SENP5: variants seen among roughly 807,000 people sequenced by gnomAD.
SENP5 encodes sentrin-specific protease 5.
SENP5 carries 21 observed loss-of-function variants against 74.2 expected under a neutral mutation model. The ratio of observed to expected loss-of-function variants is 0.28; its 90% CI spans 0.20 to 0.41. The LOEUF (loss-of-function observed/expected upper bound fraction) is 0.41. Ranked by LOEUF, SENP5 falls within the 10% of genes least tolerant of loss-of-function variation. The pLI is 1.00. For missense variants in SENP5, 717 were observed against 889.1 expected (o/e 0.81, Z 2.46); for synonymous variants, 311 against 312.7 (o/e 0.99, Z 0.06).
chr3:196,926,198 T>C (rs1015599837), intron 7 of SENP5, among the ~76,000 whole-genome samples: 1 of 152,172 alleles, frequency 6.6e-6, no homozygotes, highest in African/African-American at 2.4e-5. Context: ...AATGTACATA[T>C]ACTGGCCGGG....
chr3:196,902,769 G>A (rs1408363785), intron 5 of SENP5, among the ~76,000 whole-genome samples: 1 of 152,196 alleles, frequency 6.6e-6, no homozygotes, highest in Non-Finnish European at 1.5e-5. Context: ...CAAGGACGCA[G>A]GACCTGATAC....
At chr3:196,879,316 C>T (rs1039725475) in intron 1 of SENP5, among the ~76,000 whole-genome samples, 1 of 152,170 alleles carries the variant, frequency 6.6e-6, no homozygotes. Flanking sequence ...ATGTAGTATA[C>T]CAAGGTTTAC....
chr3:196,930,038 A>G (rs564585759), intron 9 of SENP5, among the ~76,000 whole-genome samples: 2 of 152,138 alleles, frequency 1.3e-5, no homozygotes, highest in South Asian at 2.1e-4. Flanking sequence ...TCTTTGACAC[A>G]GTGATTAGAT....
intron 7 of SENP5, 133 bp from the exon 8 acceptor site, chr3:196,927,663 C>T (rs1715864589): frequency 2.0e-6 from 1 of 504,162 alleles, no homozygotes; most frequent in South Asian, 2.9e-5. Context: ...AAAATTGTTC[C>T]AGCTTCTTAA....
rs192052341 is a variant in SENP5 at position 196,893,809 on chromosome 3, C to G, written c.1514-5857C>G. Among the ~76,000 whole-genome samples, 3 of 151,288 alleles carry G rather than the reference C, an allele frequency of 2.0e-5. No individual in the cohort carries two copies. The East Asian group carries it at 5.9e-4, about 30-fold the overall frequency. On this transcript the variant is annotated intron_variant, in intron 2 of 9. Coordinates refer to ENST00000323460, the MANE Select transcript of SENP5 (RefSeq NM_152699.5). Reference sequence around the variant, plus strand: ...CCTGTAGTCCCAGCTACTTGGGAGGCTGAGACAGGAGAATTGCTTGTACTT... The same window carrying G: ...CCTGTAGTCCCAGCTACTTGGGAGGGTGAGACAGGAGAATTGCTTGTACTT...
intron 6 of SENP5, among the ~76,000 whole-genome samples, chr3:196,905,977 T>G (rs746412442): frequency 2.0e-5 from 3 of 152,200 alleles, no homozygotes; most frequent in Non-Finnish European, 2.9e-5. Context: ...CCCAGCACTT[T>G]GGAAGTCTGA....
intron 7 of SENP5, among the ~76,000 whole-genome samples, chr3:196,926,635 C>T (rs1318192476): frequency 6.9e-6 from 1 of 144,544 alleles, no homozygotes; most frequent in Non-Finnish European, 1.5e-5. Flanking sequence ...GGCTTCCAGT[C>T]CACCTTTTTT....
At chr3:196,869,556 T>G (rs1163846794) in intron 1 of SENP5, among the ~76,000 whole-genome samples, 2 of 150,612 alleles carry the variant, frequency 1.3e-5, no homozygotes, top group African/African-American at 4.9e-5. Flanking sequence ...AGGTCGGGAG[T>G]TCGAGATCAG....
intron 1 of SENP5, among the ~76,000 whole-genome samples, chr3:196,874,664 T>C (rs1325059553): frequency 2.0e-5 from 3 of 152,182 alleles, no homozygotes; most frequent in Admixed American, 2.0e-4. Context: ...GTGGATCACC[T>C]GAGGTCAGAG....
intron 1 of SENP5, among the ~76,000 whole-genome samples, chr3:196,873,664 C>T (rs551557742): frequency 2.0e-5 from 3 of 151,646 alleles, no homozygotes; most frequent in African/African-American, 7.2e-5. Flanking sequence ...CACGGTGAAA[C>T]CCCATCTCTA....
chr3:196,872,876 C>T (rs1713277478), intron 1 of SENP5, among the ~76,000 whole-genome samples: 1 of 152,028 alleles, frequency 6.6e-6, no homozygotes, highest in Admixed American at 6.6e-5. Flanking sequence ...GAAGAAGACT[C>T]CAGGTGTCTG....
intron 1 of SENP5, among the ~76,000 whole-genome samples, chr3:196,874,989 C>T (rs1713393045): frequency 6.6e-6 from 1 of 152,172 alleles, no homozygotes; most frequent in South Asian, 2.1e-4. Context: ...GCTTTGGTTA[C>T]TCTAAGCTGA....
chr3:196,894,291 T>G (rs1415688058), intron 2 of SENP5, among the ~76,000 whole-genome samples: 1 of 151,614 alleles, frequency 6.6e-6, no homozygotes, highest in African/African-American at 2.4e-5. Context: ...GCCCGGCTAA[T>G]TTTGTATTTT....
At chr3:196,882,185 C>T (rs1389590473) in intron 1 of SENP5, among the ~76,000 whole-genome samples, 1 of 151,952 alleles carries the variant, frequency 6.6e-6, no homozygotes, top group Non-Finnish European at 1.5e-5. Flanking sequence ...AGGTGTGAGC[C>T]ACCACACTCA....
intron 4 of SENP5, 33 bp downstream of exon 4, chr3:196,900,095 GT>G (rs1295618767): frequency 6.3e-7 from 1 of 1,594,696 alleles, no homozygotes; most frequent in South Asian, 1.1e-5. Context: ...GTGTGGAGAA[GT>G]TGCAGAGGAT....
intron 6 of SENP5, among the ~76,000 whole-genome samples, chr3:196,907,317 C>G (rs1714942626): frequency 6.6e-6 from 1 of 151,596 alleles, no homozygotes; most frequent in Non-Finnish European, 1.5e-5. Flanking sequence ...ATTAAAAATA[C>G]AAAAAAATTA....
chr3:196,927,920 G>T, intron 8 of SENP5, 41 bp downstream of exon 8: 1 of 1,310,506 alleles, frequency 7.6e-7, no homozygotes, highest in East Asian at 2.3e-5. Flanking sequence ...ATGTCCAGGG[G>T]ATGGAATTAT....
chr3:196,869,780 A>AAG (rs1713128093), intron 1 of SENP5, among the ~76,000 whole-genome samples: 1 of 149,916 alleles, frequency 6.7e-6, no homozygotes, highest in South Asian at 2.1e-4. Flanking sequence ...AAAAAAAAAA[A>AAG]AAAAGGTGCT....
intron 6 of SENP5, among the ~76,000 whole-genome samples, chr3:196,903,898 T>G (rs1048567077): frequency 6.6e-6 from 1 of 152,250 alleles, no homozygotes; most frequent in African/African-American, 2.4e-5. Context: ...AACAATTTTT[T>G]GCTGGTGCTG....
Sources: allele counts gnomAD v4.1 joint callset (sites outside exome capture counted in the v4.1 genomes callset), GRCh38; gene constraint gnomAD v4.1.1; transcripts MANE v1.5; gene names NCBI Gene and HGNC (gene_info 2026-07-23, HGNC 2026-07-21).